KDM6A: variants seen among roughly 807,000 people sequenced by gnomAD.
KDM6A encodes lysine demethylase 6A, also known as lysine-specific demethylase 6A.
A neutral mutation model predicts 117.6 loss-of-function variants in KDM6A; 11 were observed. That is an observed-to-expected ratio of 0.09 (90% CI 0.06 to 0.15). KDM6A has a LOEUF of 0.15. Among genes scored for constraint, KDM6A ranks in the 10% least tolerant of loss-of-function variants. KDM6A has a pLI of 1.00. For missense variants in KDM6A, 799 were observed against 1,077.3 expected, an observed-to-expected ratio of 0.74 and a Z score of 3.62; for synonymous variants, 384 against 396.1, an observed-to-expected ratio of 0.97 and a Z score of 0.36.
At chrX:45,077,486 T>C (rs772917690) in intron 19 of KDM6A, among the ~76,000 whole-genome samples, 1 of 110,923 alleles carries the variant, frequency 9.0e-6, no homozygotes, top group African/African-American at 3.3e-5. Context: ...TGTATAATGA[T>C]CTTGCATCTA....
In KDM6A at chrX:45,112,763, CTTATTTT is replaced by C. The variant is rs776372322; in HGVS notation, c.*1356_*1362del. On this transcript the variant is annotated 3_prime_UTR_variant, in exon 30 of 30. Coordinates refer to ENST00000611820, the MANE Select transcript of KDM6A (RefSeq NM_001291415.2). ...TTTAGAATGCAAATAAATTAAGAGACTTATTTTTTAATGTTAGGCAGTTTTGAAATCT... is the reference window on the plus strand; with the variant it reads ...TTTAGAATGCAAATAAATTAAGAGACTTAATGTTAGGCAGTTTTGAAATCT... Among the ~76,000 whole-genome samples, 24 of 111,032 alleles carry C rather than the reference CTTATTTT, an allele frequency of 2.2e-4. No homozygotes were observed. In the South Asian group the frequency reaches 9.0e-3, roughly 42 times the overall value.
chrX:44,960,467 T>C (rs988806053), intron 2 of KDM6A, among the ~76,000 whole-genome samples: 33 of 111,593 alleles, frequency 3.0e-4, no homozygotes, highest in African/African-American at 1.1e-3. Context: ...AGAGAAGTTT[T>C]CTAGTTTTAA....
intron 18 of KDM6A, among the ~76,000 whole-genome samples, chrX:45,074,020 A>C (rs2044992403): frequency 8.9e-6 from 1 of 112,226 alleles, no homozygotes; most frequent in Admixed American, 9.4e-5. Context: ...CTAACGTTTA[A>C]GTCTTTAATC....
intron 2 of KDM6A, among the ~76,000 whole-genome samples, chrX:44,949,493 C>A (rs1484441058): frequency 1.9e-5 from 2 of 105,289 alleles, no homozygotes; most frequent in Non-Finnish European, 3.9e-5. Context: ...TTTTTTAAAG[C>A]ACTTATTTTG....
chrX:44,902,785 T>A (rs2034435997), intron 2 of KDM6A, among the ~76,000 whole-genome samples: 1 of 112,103 alleles, frequency 8.9e-6, no homozygotes, highest in Non-Finnish European at 1.9e-5. Context: ...GAACTTTATT[T>A]CTCACAGTTC....
At chrX:44,994,214 C>T (rs1022179206) in intron 4 of KDM6A, among the ~76,000 whole-genome samples, 3 of 112,086 alleles carry the variant, frequency 2.7e-5, no homozygotes, top group Admixed American at 9.5e-5. Context: ...AGTGAAACTT[C>T]GTACCCTTTG....
intron 6 of KDM6A, among the ~76,000 whole-genome samples, chrX:45,029,323 T>A (rs1355401278): frequency 9.0e-6 from 1 of 110,834 alleles, no homozygotes; most frequent in Non-Finnish European, 1.9e-5. Flanking sequence ...TAATCCCAGC[T>A]ACTCGGGAGG....
intron 2 of KDM6A, among the ~76,000 whole-genome samples, chrX:44,885,108 A>C (rs1310994339): frequency 2.8e-5 from 3 of 105,807 alleles, no homozygotes; most frequent in Admixed American, 1.0e-4. Context: ...ATCACTGCTC[A>C]CTACAGCCTG....
rs192637629 is a variant in KDM6A at position 45,063,588 on chromosome X, A to G, written c.1850A>G (p.Gln617Arg). ...GGAGTCCGTCCTGCCTGCCCTGGGCAGCCTTTGGCCAATGGACCCTTTTCT... is the reference window on the plus strand; with the variant it reads ...GGAGTCCGTCCTGCCTGCCCTGGGCGGCCTTTGGCCAATGGACCCTTTTCT... ...QPGVRPACPG[Q>R]PLANGPFSAG... Residue 617 changes from glutamine to arginine, a missense_variant, in exon 17 of 30, where the codon CAG (glutamine) becomes CGG (arginine). Gln to Arg is a conservative substitution (Grantham distance 43). This residue lies in a region of KDM6A where 301 missense variants were observed against 318.3 expected (regional missense o/e 0.95). Coordinates refer to ENST00000611820, the MANE Select transcript of KDM6A (RefSeq NM_001291415.2). The G allele has an allele frequency of 4.1e-6, 5 of 1,209,914 alleles. No homozygotes were observed. The highest frequency in any genetic ancestry group is 5.9e-5 in the East Asian group (2 of 33,742).
intron 17 of KDM6A, among the ~76,000 whole-genome samples, chrX:45,065,829 ATAG>A: frequency 8.9e-6 from 1 of 111,933 alleles, no homozygotes; most frequent in Non-Finnish European, 1.9e-5. Context: ...GACCTGTGAC[ATAG>A]TAGGAGATCA....
At chrX:44,954,244 C>A (rs2038191601) in intron 2 of KDM6A, among the ~76,000 whole-genome samples, 1 of 110,419 alleles carries the variant, frequency 9.1e-6, no homozygotes. Flanking sequence ...TGCCGAATAC[C>A]CGCAAACAGG....
intron 4 of KDM6A, among the ~76,000 whole-genome samples, chrX:44,992,329 A>G (rs1367042146): frequency 1.0e-5 from 1 of 96,530 alleles, no homozygotes; most frequent in Non-Finnish European, 2.0e-5. Flanking sequence ...GGTTCAAGCA[A>G]TTCTCCTGCC....
intron 6 of KDM6A, among the ~76,000 whole-genome samples, chrX:45,023,851 C>G (rs1017485181): frequency 9.0e-6 from 1 of 111,268 alleles, no homozygotes; most frequent in African/African-American, 3.3e-5. Context: ...CCTTTGCATC[C>G]TCATAGTTTA....
intron 2 of KDM6A, among the ~76,000 whole-genome samples, chrX:44,920,531 C>T (rs1216286352): frequency 3.6e-5 from 4 of 110,128 alleles, no homozygotes; most frequent in Non-Finnish European, 5.7e-5. Context: ...CTCCGCCTCC[C>T]GGGTTCACGC....
At chrX:44,963,364 T>A (rs1319491361) in intron 3 of KDM6A, among the ~76,000 whole-genome samples, 1 of 108,312 alleles carries the variant, frequency 9.2e-6, no homozygotes, top group Non-Finnish European at 1.9e-5. Flanking sequence ...GGAGGAACAC[T>A]TGAACCTGGG....
At chrX:45,098,727 T>C (rs2046214618) in intron 27 of KDM6A, among the ~76,000 whole-genome samples, 1 of 112,097 alleles carries the variant, frequency 8.9e-6, no homozygotes, top group Non-Finnish European at 1.9e-5. Context: ...GTATTAGCTG[T>C]TGAGTTTTCC....
rs765394352 is a variant in KDM6A, at chrX:45,060,106, A to G, written c.1279A>G (p.Ile427Val). 2.5e-6 allele frequency: 3 copies of G among 1,211,405 alleles called. No homozygotes were observed. The highest frequency in any genetic ancestry group is 1.8e-5 in the South Asian group (1 of 56,857). The change falls in exon 13 of 30, where the codon ATT becomes GTT. Residue 427 changes from isoleucine to valine, a missense_variant. This residue lies in a region of KDM6A where 7 missense variants were observed against 23.4 expected (regional missense o/e 0.30). Coordinates refer to ENST00000611820, the MANE Select transcript of KDM6A (RefSeq NM_001291415.2). ...TATTGAGGAGGCGTGGAGCCTACCAATTCCCGCAGAGCTTACCTCCAGGCA... is the reference window on the plus strand; with the variant it reads ...TATTGAGGAGGCGTGGAGCCTACCAGTTCCCGCAGAGCTTACCTCCAGGCA... Reference protein sequence around the residue: ...PSIEEAWSLPIPAELTSRQGA... With the variant: ...PSIEEAWSLPVPAELTSRQGA...
At chrX:44,929,852 CAG>C (rs1353471941) in intron 2 of KDM6A, among the ~76,000 whole-genome samples, 2 of 110,457 alleles carry the variant, frequency 1.8e-5, no homozygotes, top group African/African-American at 6.6e-5. Flanking sequence ...CTTTTAAGCT[CAG>C]GGGTACATGT....
At chrX:45,073,247 T>C (rs140014372) in intron 18 of KDM6A, among the ~76,000 whole-genome samples, 5,224 of 111,852 alleles carry the variant, frequency 0.047, 317 homozygotes, top group African/African-American at 0.16. Flanking sequence ...GTATGTGTGC[T>C]GCATTTTCTT....
Sources: gnomAD v4.1 joint callset for allele counts (sites outside exome capture counted in the v4.1 genomes callset) on GRCh38, gnomAD v4.1.1 for gene constraint, gnomAD v4.1.1 regional missense constraint, MANE v1.5 for transcripts, NCBI Gene and HGNC (gene_info 2026-07-23, HGNC 2026-07-21) for gene names.